The following ATF7IP variants were observed in gnomAD, a reference collection of about 807,000 sequenced individuals.
ATF7IP encodes activating transcription factor 7-interacting protein 1.
A neutral mutation model predicts 106.4 loss-of-function variants in ATF7IP; 23 were observed. The observed-to-expected ratio is 0.22, with a 90% CI of 0.16 to 0.31. The LOEUF is 0.31. Ranked by LOEUF, ATF7IP falls within the 10% of genes least tolerant of loss-of-function variation. ATF7IP has a pLI of 1.00. For synonymous variants in ATF7IP, 542 were observed against 539.0 expected (o/e 1.01, Z -0.08); for missense variants, 1,334 against 1,524.3 (o/e 0.88, Z 2.08).
intron 1 of ATF7IP, among the ~76,000 whole-genome samples, chr12:14,390,504 C>T (rs1031449866): frequency 1.3e-5 from 2 of 152,206 alleles, no homozygotes; most frequent in Admixed American, 1.3e-4. Context: ...TGTTAAAGGA[C>T]ATCACTATCA....
At chr12:14,431,262 C>T (rs985471044) in intron 2 of ATF7IP, among the ~76,000 whole-genome samples, 1 of 152,066 alleles carries the variant, frequency 6.6e-6, no homozygotes, top group East Asian at 1.9e-4. Flanking sequence ...ACTGTCTAGT[C>T]TGCTTGAAAG....
rs769631326 is a variant in ATF7IP, at chr12:14,460,775, T to C, written c.2439T>C (p.Asn813=). 2 of 1,614,186 alleles carry C rather than the reference T, an allele frequency of 1.2e-6. No homozygotes were observed. The highest frequency in any genetic ancestry group is 1.1e-5 in the South Asian group (1 of 91,086). Residue 813 remains asparagine (N), a synonymous_variant, in exon 9 of 15, where the codon AAT becomes AAC. Coordinates refer to ENST00000261168, the MANE Select transcript of ATF7IP (RefSeq NM_018179.5). ...GTLVTNQPSG[N]VEFISVQSPP... Reference sequence around the variant, plus strand: ...TGGTGACTAATCAACCATCTGGCAATGTTGAATTCATTTCTGTGCAAAGCC... The same window carrying C: ...TGGTGACTAATCAACCATCTGGCAACGTTGAATTCATTTCTGTGCAAAGCC...
At chr12:14,494,313 A>G (rs1340664792) in intron 13 of ATF7IP, among the ~76,000 whole-genome samples, 3 of 92,682 alleles carry the variant, frequency 3.2e-5, no homozygotes, top group Admixed American at 1.2e-4. Context: ...ATATATATAT[A>G]TATATATATA....
chr12:14,498,662 G>GCC lies in ATF7IP; in HGVS notation c.*593_*594dup, dbSNP rs1945082207. 1 of 152,534 alleles carries GCC rather than the reference G, an allele frequency of 6.6e-6. No individual in the cohort carries two copies. The highest frequency in any genetic ancestry group is 2.4e-5 in the African/African-American group (1 of 41,410). The allele number at this position is 152,534 out of a possible 1,614,324, so 9.4% of individuals were successfully genotyped here. The stretch of plus-strand genomic sequence containing the variant: ...ATTAGGTGAAAAAAGATCTGCAATG[G>GCC]CCCCCTCCCTTTCCTAATCTGGCTT... On this transcript the variant is annotated 3_prime_UTR_variant, in exon 15 of 15. Coordinates refer to ENST00000261168, the MANE Select transcript of ATF7IP (RefSeq NM_018179.5).
At chr12:14,369,527 G>A (rs1333250934) in intron 1 of ATF7IP, among the ~76,000 whole-genome samples, 2 of 152,136 alleles carry the variant, frequency 1.3e-5, no homozygotes, top group East Asian at 3.9e-4. Context: ...TAGTAGAGAC[G>A]GGGTTTCCCC....
chr12:14,379,854 T>A (rs189377971), intron 1 of ATF7IP, among the ~76,000 whole-genome samples: 1 of 152,224 alleles, frequency 6.6e-6, no homozygotes, highest in African/African-American at 2.4e-5. Context: ...TTTAGTCTTA[T>A]GGAATTTCAA....
At chr12:14,467,591 G>T (rs528483711) in intron 10 of ATF7IP, among the ~76,000 whole-genome samples, 7 of 152,048 alleles carry the variant, frequency 4.6e-5, no homozygotes, top group African/African-American at 1.4e-4. Flanking sequence ...GATATATTCA[G>T]TGATACTTAA....
intron 13 of ATF7IP, among the ~76,000 whole-genome samples, chr12:14,486,341 C>G (rs1381104443): frequency 6.6e-6 from 1 of 152,140 alleles, no homozygotes; most frequent in East Asian, 1.9e-4. Flanking sequence ...TTCCCTTTCC[C>G]CAGTGCACAG....
intron 1 of ATF7IP, among the ~76,000 whole-genome samples, chr12:14,400,562 C>T (rs942008171): frequency 2.0e-5 from 3 of 151,830 alleles, no homozygotes; most frequent in Non-Finnish European, 4.4e-5. Flanking sequence ...GATAATATTT[C>T]TCAGAGATTT....
At chr12:14,381,241 A>T (rs1208618141) in intron 1 of ATF7IP, among the ~76,000 whole-genome samples, 1 of 151,696 alleles carries the variant, frequency 6.6e-6, no homozygotes, top group East Asian at 1.9e-4. Context: ...GTGCTTATTT[A>T]TTTTTTTTGA....
chr12:14,460,443 T>G, intron 8 of ATF7IP, 52 bp from the exon 9 acceptor site: 1 of 1,486,544 alleles, frequency 6.7e-7, no homozygotes, highest in Non-Finnish European at 9.1e-7. Flanking sequence ...ATTTTCTTAG[T>G]TGATAAATTA....
intron 12 of ATF7IP, among the ~76,000 whole-genome samples, chr12:14,478,678 A>C (rs1344113107): frequency 6.6e-6 from 1 of 152,230 alleles, no homozygotes; most frequent in African/African-American, 2.4e-5. Context: ...TTTAAAGAAA[A>C]GTATATATTT....
chr12:14,401,604 A>G (rs145809172), intron 1 of ATF7IP, among the ~76,000 whole-genome samples: 2,344 of 150,666 alleles, frequency 0.016, 24 homozygotes, highest in Admixed American at 0.019. Flanking sequence ...TGTACTTAAG[A>G]TAATAATGCT....
intron 9 of ATF7IP, among the ~76,000 whole-genome samples, chr12:14,461,817 A>G (rs1943649766): frequency 6.6e-6 from 1 of 152,138 alleles, no homozygotes; most frequent in South Asian, 2.1e-4. Flanking sequence ...TTCATTTCTG[A>G]CTTCACATTT....
At position 14,449,500 on chromosome 12, in the gene ATF7IP, A is replaced by G. The variant is rs1943113868; in HGVS notation, c.1995+2447A>G. ...TATTCATTTCCTTTGGTCACTGTCT[A>G]TTTTTGTGCCAGCACCTCACTTTTT... On this transcript the variant is annotated intron_variant, in intron 6 of 14. Coordinates refer to ENST00000261168, the MANE Select transcript of ATF7IP (RefSeq NM_018179.5). Among the ~76,000 whole-genome samples the G allele has an allele frequency of 2.0e-5, 3 of 151,750 alleles. No individual in the cohort carries two copies. The South Asian group carries it at 6.2e-4, about 31-fold the overall frequency.
intron 9 of ATF7IP, among the ~76,000 whole-genome samples, chr12:14,464,149 C>T (rs917136066): frequency 2.6e-5 from 4 of 152,004 alleles, no homozygotes; most frequent in African/African-American, 9.7e-5. Flanking sequence ...CCCATCTGTA[C>T]AAAAAATAAA....
intron 10 of ATF7IP, among the ~76,000 whole-genome samples, chr12:14,474,326 TC>T (rs1944172296): frequency 6.6e-6 from 1 of 151,726 alleles, no homozygotes; most frequent in Non-Finnish European, 1.5e-5. Context: ...CTTTATTATT[TC>T]TTTTTTTTTC....
intron 6 of ATF7IP, among the ~76,000 whole-genome samples, chr12:14,450,105 A>T (rs992360990): frequency 1.3e-5 from 2 of 152,142 alleles, no homozygotes; most frequent in African/African-American, 2.4e-5. Flanking sequence ...AGATCATATC[A>T]TCTGTGAACA....
intron 13 of ATF7IP, among the ~76,000 whole-genome samples, chr12:14,492,103 A>T (rs1455259756): frequency 2.0e-5 from 3 of 152,236 alleles, no homozygotes; most frequent in African/African-American, 7.2e-5. Flanking sequence ...TGGTTCTGCC[A>T]GCTGCTAAGT....
Sources: allele counts gnomAD v4.1 joint callset (sites outside exome capture counted in the v4.1 genomes callset), GRCh38; gene constraint gnomAD v4.1.1; transcripts MANE v1.5; gene names NCBI Gene and HGNC (gene_info 2026-07-23, HGNC 2026-07-21).